SLCO6A1: variants seen among roughly 807,000 people sequenced by gnomAD.
SLCO6A1 encodes the protein solute carrier organic anion transporter family member 6A1.
Under a neutral mutation model 72.7 loss-of-function variants are expected in SLCO6A1, and 65 were observed. The observed-to-expected ratio is 0.89, with a 90% confidence interval of 0.73 to 1.10. The LOEUF (loss-of-function observed/expected upper bound fraction) is 1.10, where lower values mean the gene tolerates loss of function less well. Ranked by LOEUF, SLCO6A1 falls within the 50% of genes least tolerant of loss-of-function variation. SLCO6A1 has a pLI of 0.00. For synonymous variants in SLCO6A1, 314 were observed against 298.2 expected, an observed-to-expected ratio of 1.05 and a Z score of -0.55; for missense variants, 874 against 872.6, an observed-to-expected ratio of 1.00 and a Z score of -0.02.
intron 11 of SLCO6A1, among the ~76,000 whole-genome samples, chr5:102,389,845 A>G (rs543096743): frequency 2.3e-5 from 2 of 87,290 alleles, no homozygotes; most frequent in African/African-American, 4.5e-5. Flanking sequence ...CTCCACATTT[A>G]TCTCCTGTAT....
chr5:102,381,920 T>C (rs1746131715), intron 12 of SLCO6A1, among the ~76,000 whole-genome samples: 1 of 151,674 alleles, frequency 6.6e-6, no homozygotes, highest in African/African-American at 2.4e-5. Flanking sequence ...AGGTTATTTC[T>C]TTACTTACTA....
At chr5:102,392,806 GC>G (rs1746839597) in intron 10 of SLCO6A1, among the ~76,000 whole-genome samples, 1 of 151,452 alleles carries the variant, frequency 6.6e-6, no homozygotes, top group South Asian at 2.1e-4. Flanking sequence ...GTAAAAGGAA[GC>G]TTTCACTCTT....
At chr5:102,483,488 A>G (rs934506861) in intron 1 of SLCO6A1, among the ~76,000 whole-genome samples, 1 of 152,174 alleles carries the variant, frequency 6.6e-6, no homozygotes, top group African/African-American at 2.4e-5. Flanking sequence ...TGGAAGAGAG[A>G]GTGTTCCATA....
chr5:102,454,450 T>C (rs927788254), intron 6 of SLCO6A1, among the ~76,000 whole-genome samples: 2 of 152,212 alleles, frequency 1.3e-5, no homozygotes, highest in Non-Finnish European at 2.9e-5. Context: ...ATTTTGGAGG[T>C]CAGGATTTTC....
intron 12 of SLCO6A1, among the ~76,000 whole-genome samples, chr5:102,377,135 G>A (rs1470539387): frequency 6.6e-6 from 1 of 152,124 alleles, no homozygotes; most frequent in African/African-American, 2.4e-5. Context: ...CTTCACTCCA[G>A]CCTGGGTGAC....
At chr5:102,375,968 T>G (rs1745766580) in intron 12 of SLCO6A1, among the ~76,000 whole-genome samples, 1 of 152,086 alleles carries the variant, frequency 6.6e-6, no homozygotes, top group African/African-American at 2.4e-5. Flanking sequence ...AAAGCAATGA[T>G]ACACAGAAAA....
intron 1 of SLCO6A1, among the ~76,000 whole-genome samples, chr5:102,482,887 C>G (rs1237695838): frequency 6.6e-6 from 1 of 152,088 alleles, no homozygotes; most frequent in Non-Finnish European, 1.5e-5. Flanking sequence ...TATATAATAC[C>G]TGCCTCCAGG....
intron 6 of SLCO6A1, 131 bp from the exon 7 acceptor site, chr5:102,438,892 GA>G: frequency 5.5e-6 from 2 of 360,940 alleles, no homozygotes; most frequent in Non-Finnish European, 8.7e-6. Flanking sequence ...ATAATTGATA[GA>G]TAGATGATAG....
chr5:102,486,313 GT>G (rs1259596206), intron 1 of SLCO6A1, among the ~76,000 whole-genome samples: 1 of 152,044 alleles, frequency 6.6e-6, no homozygotes, highest in Non-Finnish European at 1.5e-5. Context: ...TCCTCTCTTA[GT>G]TTTGGAGGGA....
intron 6 of SLCO6A1, among the ~76,000 whole-genome samples, chr5:102,456,348 T>C (rs1465436405): frequency 6.6e-6 from 1 of 152,130 alleles, no homozygotes; most frequent in East Asian, 1.9e-4. Context: ...ATTGTATATC[T>C]AGAAAACCCC....
chr5:102,430,414 A>C (rs1004106220), intron 7 of SLCO6A1, among the ~76,000 whole-genome samples: 1 of 152,174 alleles, frequency 6.6e-6, no homozygotes, highest in Non-Finnish European at 1.5e-5. Context: ...TTCCCCATTC[A>C]GTATAATGTT....
intron 12 of SLCO6A1, among the ~76,000 whole-genome samples, chr5:102,385,011 T>G (rs76899244): frequency 0.018 from 2,730 of 152,226 alleles, 78 homozygotes; most frequent in African/African-American, 0.062. Flanking sequence ...TCAGGTCTAG[T>G]GGTGGTGAAT....
chr5:102,430,213 T>C (rs1749138753), intron 7 of SLCO6A1, among the ~76,000 whole-genome samples: 1 of 152,136 alleles, frequency 6.6e-6, no homozygotes, highest in African/African-American at 2.4e-5. Flanking sequence ...GCCAAGACTA[T>C]GGGGTTTTCT....
intron 7 of SLCO6A1, among the ~76,000 whole-genome samples, chr5:102,428,727 C>T (rs1749050936): frequency 6.6e-6 from 1 of 152,102 alleles, no homozygotes; most frequent in Non-Finnish European, 1.5e-5. Flanking sequence ...GCTTCCATGT[C>T]TTTGCTATTG....
chr5:102,449,873 T>A (rs1227567379), intron 6 of SLCO6A1, among the ~76,000 whole-genome samples: 1 of 152,236 alleles, frequency 6.6e-6, no homozygotes, highest in Non-Finnish European at 1.5e-5. Flanking sequence ...TTTATTTTTG[T>A]CTGAGTTAAT....
At chr5:102,482,002 C>A (rs922855300) in intron 1 of SLCO6A1, among the ~76,000 whole-genome samples, 1 of 152,142 alleles carries the variant, frequency 6.6e-6, no homozygotes, top group Non-Finnish European at 1.5e-5. Flanking sequence ...CAGCAGGAAA[C>A]AACATATAAA....
intron 9 of SLCO6A1, among the ~76,000 whole-genome samples, chr5:102,410,723 CAT>C (rs1193876185): frequency 6.6e-6 from 1 of 152,114 alleles, no homozygotes; most frequent in Non-Finnish European, 1.5e-5. Context: ...CAGATGAGCA[CAT>C]GAGGGAATTT....
At chr5:102,458,261 G>GA (rs546611360) in intron 6 of SLCO6A1, 121 bp downstream of exon 6, 340 of 665,926 alleles carry the variant, frequency 5.1e-4, no homozygotes, top group Non-Finnish European at 6.4e-4. Flanking sequence ...TAATAAAAAA[G>GA]AAAAAAAAAG....
chr5:102,467,751 G>T (rs1317744209), intron 4 of SLCO6A1, among the ~76,000 whole-genome samples: 1 of 151,916 alleles, frequency 6.6e-6, no homozygotes, highest in Non-Finnish European at 1.5e-5. Flanking sequence ...CTCACTAATG[G>T]TCTATATATT....
Sources: allele counts gnomAD v4.1 joint callset (sites outside exome capture counted in the v4.1 genomes callset), GRCh38; gene constraint gnomAD v4.1.1; transcripts MANE v1.5; gene names NCBI Gene and HGNC (gene_info 2026-07-23, HGNC 2026-07-21).